ARHGAP35: variants seen among roughly 807,000 people sequenced by gnomAD.
The protein encoded by ARHGAP35 is rho GTPase-activating protein 35.
A neutral mutation model predicts 111.1 loss-of-function variants in ARHGAP35; 15 were observed. The observed-to-expected ratio is 0.13, with a 90% CI of 0.09 to 0.21. The LOEUF (loss-of-function observed/expected upper bound fraction) is 0.21. Ranked by LOEUF, ARHGAP35 falls within the 10% of genes least tolerant of loss-of-function variation. The pLI, the probability that ARHGAP35 is intolerant of heterozygous loss-of-function variation, is 1.00. For missense variants in ARHGAP35, 1,262 were observed against 1,873.0 expected (o/e 0.67, Z 6.02); for synonymous variants, 643 against 710.3 (o/e 0.91, Z 1.51).
At position 46,919,514 on chromosome 19, in the gene ARHGAP35, T is replaced by G. The variant is rs569255897; in HGVS notation, c.839T>G (p.Leu280Arg). The change falls in exon 2 of 7, where the codon CTG (leucine) becomes CGG (arginine). Residue 280 changes from leucine to arginine, a missense_variant. Coordinates refer to ENST00000672722, the MANE Select transcript of ARHGAP35 (RefSeq NM_004491.5). This position sits in a 1 kb window ranked among gnomAD's most constrained non-coding sequence, Gnocchi z 6.2. ...IATAKDKYEWLVSRIVKNHNE... is the reference protein window; with the variant it reads ...IATAKDKYEWRVSRIVKNHNE... ...ACAGCAAAAGACAAGTATGAGTGGC[T>G]GGTGAGTCGCATTGTGAAAAACCAC... 1 of 1,613,916 alleles carries G rather than the reference T, an allele frequency of 6.2e-7. No homozygotes were observed. Among genetic ancestry groups the G allele is most frequent in the African/African-American group, 1.3e-5 (1 of 75,018 alleles).
At chr19:46,964,538 G>A (rs932038651) in intron 3 of ARHGAP35, among the ~76,000 whole-genome samples, 4 of 152,218 alleles carry the variant, frequency 2.6e-5, no homozygotes, top group Non-Finnish European at 4.4e-5. Context: ...GATTACAGGT[G>A]TGAGCCAGCA....
At chr19:46,912,737 TC>T (rs1170873567) in intron 1 of ARHGAP35, among the ~76,000 whole-genome samples, 1 of 152,094 alleles carries the variant, frequency 6.6e-6, no homozygotes, top group East Asian at 1.9e-4. Flanking sequence ...CTGGAAAACT[TC>T]CATGTCTACC....
chr19:46,945,015 G>A lies in ARHGAP35; in HGVS notation c.3826+7607G>A, dbSNP rs1468499132. On this transcript the variant is annotated intron_variant, in intron 3 of 6. Coordinates refer to ENST00000672722, the MANE Select transcript of ARHGAP35 (RefSeq NM_004491.5). This position sits in a 1 kb window ranked among gnomAD's most constrained non-coding sequence, Gnocchi z 4.1. ...TCAGATTGATCTGCAGATGCTTTTA[G>A]GACAGCCCAGCCCCGGACACCCTCT... Among the ~76,000 whole-genome samples the A allele has an allele frequency of 6.6e-6, 1 of 152,142 alleles. No homozygotes were observed. Among genetic ancestry groups the A allele is most frequent in the Non-Finnish European group, 1.5e-5 (1 of 68,020 alleles).
chr19:46,875,332 T>C (rs1476682808), intron 1 of ARHGAP35, among the ~76,000 whole-genome samples: 3 of 152,098 alleles, frequency 2.0e-5, no homozygotes, highest in Non-Finnish European at 4.4e-5. Context: ...TCTGTGAGAT[T>C]TTTGTCTTTT....
At chr19:46,937,834 C>T (rs899637303) in intron 3 of ARHGAP35, among the ~76,000 whole-genome samples, 1 of 152,300 alleles carries the variant, frequency 6.6e-6, no homozygotes, top group African/African-American at 2.4e-5. Context: ...AAAATTAATA[C>T]AGCCCTCAGC....
chr19:46,914,522 T>C (rs2056154308), intron 1 of ARHGAP35, among the ~76,000 whole-genome samples: 1 of 152,082 alleles, frequency 6.6e-6, no homozygotes, highest in East Asian at 1.9e-4. Flanking sequence ...GATGCTGAAG[T>C]GGGAGGATCA....
rs2056697746 is a variant in ARHGAP35, at chr19:46,994,684, GGGT to G, written c.4037-4619_4037-4617del. 6.6e-6 allele frequency among the ~76,000 whole-genome samples: 1 copy of G among 152,144 alleles called. No homozygotes were observed. Among genetic ancestry groups the G allele is most frequent in the Non-Finnish European group, 1.5e-5 (1 of 68,006 alleles). On this transcript the variant is annotated intron_variant, in intron 5 of 6. Transcript: ENST00000672722. The surrounding 1 kb of genome is among the most constrained non-coding windows in gnomAD (Gnocchi z 5.4). ...CTCCTAGACTAGAGAGGCACCCACT[GGGT>G]CCTTTCCCCTCTTTCCACTAGACCG...
In ARHGAP35 at chr19:46,908,032, C is replaced by A. The variant is rs1224072630; in HGVS notation, c.-188-10456C>A. Among the ~76,000 whole-genome samples the A allele has an allele frequency of 6.6e-6, 1 of 152,130 alleles. No homozygotes were observed. The highest frequency in any genetic ancestry group is 2.4e-5 in the African/African-American group (1 of 41,436). ...ACTGTTGGACTCGAAAATAAGCTGA[C>A]CCATTTTTCCCCATTGACAGAAATG... On this transcript the variant is annotated intron_variant, in intron 1 of 6. Coordinates refer to ENST00000672722, the MANE Select transcript of ARHGAP35 (RefSeq NM_004491.5). This position sits in a 1 kb window ranked among gnomAD's most constrained non-coding sequence, Gnocchi z 4.2.
chr19:46,978,047 C>T (rs1202517736), intron 3 of ARHGAP35, among the ~76,000 whole-genome samples: 1 of 152,156 alleles, frequency 6.6e-6, no homozygotes, highest in African/African-American at 2.4e-5. Flanking sequence ...GAAGGAACAA[C>T]TGTAGGGAGG....
intron 3 of ARHGAP35, among the ~76,000 whole-genome samples, chr19:46,964,374 C>T (rs1345034318): frequency 6.6e-6 from 1 of 151,696 alleles, no homozygotes; most frequent in Admixed American, 6.6e-5. Context: ...CTCAAGTGAT[C>T]CTCCCGAGTA....
In ARHGAP35 at chr19:46,920,740, C is replaced by T. The variant is rs1485725369; in HGVS notation, c.2065C>T (p.Arg689Trp). 7 of 1,611,514 alleles carry T rather than the reference C, an allele frequency of 4.3e-6. No homozygotes were observed. The highest frequency in any genetic ancestry group is 2.2e-5 in the East Asian group (1 of 44,842). The change falls in exon 2 of 7, where the codon CGG becomes TGG. Residue 689 changes from arginine to tryptophan, a missense_variant. Arg to Trp is a moderately radical substitution (Grantham distance 101). This residue lies in a region of ARHGAP35 where 579 missense variants were observed against 716.9 expected (regional missense o/e 0.81). Transcript: ENST00000672722. The surrounding 1 kb of genome is among the most constrained non-coding windows in gnomAD (Gnocchi z 7.0). Reference protein sequence around the residue: ...EKSRESTLGRRDNHLVHLPLT... With the variant: ...EKSRESTLGRWDNHLVHLPLT... ...GAGTAGAGAGTCCACGCTGGGCCGG[C>T]GGGATAATCATTTAGTCCATCTCCC...
At chr19:46,869,419 C>G (rs567238589) in intron 1 of ARHGAP35, among the ~76,000 whole-genome samples, 1 of 151,730 alleles carries the variant, frequency 6.6e-6, no homozygotes, top group Non-Finnish European at 1.5e-5. Flanking sequence ...GAGCCATGAT[C>G]GCATCACTGC....
At position 46,989,518 on chromosome 19, in the gene ARHGAP35, G is replaced by A; in HGVS notation, c.3905-26G>A. ...CTTCTGCCTGGCTTAGAATGGTTTGGCCTCACTCTCCTGACTTCCTTTCAG... is the reference window on the plus strand; with the variant it reads ...CTTCTGCCTGGCTTAGAATGGTTTGACCTCACTCTCCTGACTTCCTTTCAG... On this transcript the variant is annotated intron_variant, in intron 4 of 6. Transcript: ENST00000672722. This position sits in a 1 kb window ranked among gnomAD's most constrained non-coding sequence, Gnocchi z 5.3. 1 of 1,613,188 alleles carries A rather than the reference G, an allele frequency of 6.2e-7. No individual in the cohort carries two copies. The highest frequency in any genetic ancestry group is 8.5e-7 in the Non-Finnish European group (1 of 1,179,444).
chr19:46,965,098 A>C (rs2056505431), intron 3 of ARHGAP35, among the ~76,000 whole-genome samples: 1 of 152,166 alleles, frequency 6.6e-6, no homozygotes, highest in African/African-American at 2.4e-5. Flanking sequence ...GGATCACCTG[A>C]GGTCAGGAGT....
At chr19:46,944,298 CAAAAAA>C (rs1198310783) in intron 3 of ARHGAP35, among the ~76,000 whole-genome samples, 2 of 64,784 alleles carry the variant, frequency 3.1e-5, no homozygotes, top group Admixed American at 1.8e-4. Context: ...GACCCTGTCT[CAAAAAA>C]AAAAAAAAAA....
chr19:46,870,620 C>T (rs541702870), intron 1 of ARHGAP35, among the ~76,000 whole-genome samples: 7 of 151,974 alleles, frequency 4.6e-5, no homozygotes, highest in Non-Finnish European at 1.0e-4. Context: ...GGTCAGTCAA[C>T]TGAGGAACGT....
At position 46,995,948 on chromosome 19, in the gene ARHGAP35, C is replaced by T. The variant is rs373461680; in HGVS notation, c.4037-3356C>T. Among the ~76,000 whole-genome samples the T allele has an allele frequency of 2.4e-4, 37 of 152,316 alleles. No homozygotes were observed. The East Asian group carries it at 6.4e-3, about 26-fold the overall frequency. ...CTCGCCCTCCTTGACCTCTGCCCAG[C>T]GAGCTCCTAGTGCTGCTCAGTACTC... is the stretch of plus-strand genomic sequence containing the variant. On this transcript the variant is annotated intron_variant, in intron 5 of 6. Coordinates refer to ENST00000672722, the MANE Select transcript of ARHGAP35 (RefSeq NM_004491.5).
rs1024577730 is a variant in ARHGAP35 at position 46,945,254 on chromosome 19, C to G, written c.3826+7846C>G. Among the ~76,000 whole-genome samples, 5 of 152,046 alleles carry G rather than the reference C, an allele frequency of 3.3e-5. No homozygotes were observed. The highest frequency in any genetic ancestry group is 5.9e-5 in the Non-Finnish European group (4 of 67,992). ...ATTTCTAGCTTGAATGCTTTTTTTC[C>G]TCCAGTTTTCATCTTTGTGGAAAAT... is the stretch of plus-strand genomic sequence containing the variant. On this transcript the variant is annotated intron_variant, in intron 3 of 6. Transcript: ENST00000672722. This position sits in a 1 kb window ranked among gnomAD's most constrained non-coding sequence, Gnocchi z 4.1.
intron 1 of ARHGAP35, among the ~76,000 whole-genome samples, chr19:46,880,443 G>A (rs2055955552): frequency 6.6e-6 from 1 of 152,056 alleles, no homozygotes; most frequent in Non-Finnish European, 1.5e-5. Context: ...AAAAAAAGAA[G>A]CAATTCCTCA....
Sources: gnomAD v4.1 joint callset for allele counts (sites outside exome capture counted in the v4.1 genomes callset) on GRCh38, gnomAD v4.1.1 for gene constraint, gnomAD v4.1.1 regional missense constraint, Gnocchi (gnomAD v3.1) non-coding constraint, MANE v1.5 for transcripts, NCBI Gene and HGNC (gene_info 2026-07-23, HGNC 2026-07-21) for gene names.